Variants in EYS observed in about 807,000 individuals in gnomAD.
The protein encoded by EYS is EGF-like photoreceptor maintenance factor, also known as protein eyes shut homolog.
A neutral mutation model predicts 282.1 loss-of-function variants in EYS; 250 were observed. That is an observed-to-expected ratio of 0.89 (90% CI 0.80 to 0.98). The LOEUF is 0.98. EYS is among the 50% of genes least tolerant of loss of function. The pLI is 0.00. For synonymous variants in EYS, 1,355 were observed against 1,282.9 expected, an observed-to-expected ratio of 1.06 and a Z score of -1.20; for missense variants, 4,016 against 3,709.0, an observed-to-expected ratio of 1.08 and a Z score of -2.15.
At chr6:65,419,834 A>G (rs1402639493) in intron 5 of EYS, among the ~76,000 whole-genome samples, 2 of 152,002 alleles carry the variant, frequency 1.3e-5, no homozygotes, top group African/African-American at 2.4e-5. Flanking sequence ...AATAAAGTCA[A>G]TATCAATCTG....
At chr6:64,557,100 T>C (rs7766350) in intron 26 of EYS, among the ~76,000 whole-genome samples, 19,862 of 151,724 alleles carry the variant, frequency 0.13, 1,378 homozygotes, top group East Asian at 0.27. Context: ...TCAAATGGAT[T>C]TTTCTAAAAC....
In EYS at chr6:64,685,180, A is replaced by G. The variant is rs183354286; in HGVS notation, c.3444-58935T>C. The stretch of plus-strand genomic sequence containing the variant: ...ATGGGAAACATTACCAGAGATAAAG[A>G]AGGGGATTTCATAATGGCAAAAGGA... On this transcript the variant is annotated intron_variant, in intron 22 of 42. Coordinates refer to ENST00000503581, the MANE Select transcript of EYS (RefSeq NM_001142800.2). Among the ~76,000 whole-genome samples the G allele has an allele frequency of 4.6e-3, 694 of 152,270 alleles. 3 individuals carry two copies. Among genetic ancestry groups the G allele is most frequent in the African/African-American group, 0.015 (620 of 41,566 alleles).
intron 31 of EYS, among the ~76,000 whole-genome samples, chr6:64,196,834 T>G (rs953093855): frequency 5.3e-5 from 8 of 151,982 alleles, no homozygotes; most frequent in African/African-American, 1.9e-4. Context: ...GCATGGCACA[T>G]GTATACATAT....
chr6:64,443,107 G>A (rs759991810), intron 26 of EYS, among the ~76,000 whole-genome samples: 5 of 152,176 alleles, frequency 3.3e-5, no homozygotes, highest in South Asian at 2.1e-4. Context: ...CCACAGTTGT[G>A]GAGGTGCCCA....
At chr6:63,965,830 C>T (rs1472216243) in intron 35 of EYS, among the ~76,000 whole-genome samples, 3 of 152,154 alleles carry the variant, frequency 2.0e-5, no homozygotes, top group Non-Finnish European at 4.4e-5. Flanking sequence ...CCAGAAAACA[C>T]AGCCTGTAAT....
intron 24 of EYS, among the ~76,000 whole-genome samples, chr6:64,617,096 G>T (rs776876757): frequency 4.6e-5 from 7 of 152,026 alleles, no homozygotes; most frequent in Non-Finnish European, 8.8e-5. Flanking sequence ...AGACCCTGAC[G>T]GTATTAAGTA....
At chr6:64,126,851 A>T (rs1773803404) in intron 31 of EYS, among the ~76,000 whole-genome samples, 1 of 151,888 alleles carries the variant, frequency 6.6e-6, no homozygotes, top group Admixed American at 6.6e-5. Flanking sequence ...ACACACACAC[A>T]TATCTATATA....
At chr6:65,490,505 A>G in intron 5 of EYS, 89 bp downstream of exon 5, 2 of 786,894 alleles carry the variant, frequency 2.5e-6, no homozygotes, top group South Asian at 3.1e-5. Context: ...TTTTTCAATA[A>G]TAAAGGAAAT....
At chr6:65,648,038 C>T (rs919234828) in intron 1 of EYS, among the ~76,000 whole-genome samples, 4 of 128,124 alleles carry the variant, frequency 3.1e-5, no homozygotes, top group Admixed American at 7.9e-5. Context: ...TAGATCTTGG[C>T]GTGGATGTGG....
chr6:64,006,822 A>G (rs1768369934), intron 33 of EYS, among the ~76,000 whole-genome samples: 1 of 152,088 alleles, frequency 6.6e-6, no homozygotes, highest in Non-Finnish European at 1.5e-5. Flanking sequence ...TTATGCAAAT[A>G]TTTCATCCCA....
rs1582929404 is a variant in EYS at position 64,591,061 on chromosome 6, A to G, written c.4806T>C (p.Ala1602=). The G allele has an allele frequency of 6.4e-7, 1 of 1,551,296 alleles. No individual in the cohort carries two copies. Among genetic ancestry groups the G allele is most frequent in the South Asian group, 1.2e-5 (1 of 84,060 alleles). Residue 1602 remains alanine, a synonymous_variant, in exon 26 of 43, where the codon GCT becomes GCC. Transcript: ENST00000503581. The part of the protein sequence containing the change: ...ILASWYALMG[A]QTITSGHSFS... ...ATGAATGCCCAGAAGTGATAGTTTG[A>G]GCTCCCATTAGTGCATACCAGCTGG...
chr6:63,926,795 T>G (rs886963816), intron 35 of EYS, among the ~76,000 whole-genome samples: 6 of 152,236 alleles, frequency 3.9e-5, no homozygotes, highest in African/African-American at 1.2e-4. Context: ...GGAAAGTTAC[T>G]TATTGCTGTC....
chr6:63,725,916 T>C (rs1405058140), intron 42 of EYS, among the ~76,000 whole-genome samples: 2 of 152,126 alleles, frequency 1.3e-5, no homozygotes, highest in Admixed American at 6.5e-5. Flanking sequence ...GATGTAACTA[T>C]ATGTGCAGAT....
rs535012021 is a variant in EYS, at chr6:64,410,727, C to A, written c.5928-21887G>T. On this transcript the variant is annotated intron_variant, in intron 28 of 42. Coordinates refer to ENST00000503581, the MANE Select transcript of EYS (RefSeq NM_001142800.2). ...GAGTAATATGACAAATAAAACACATCAACTCTAGCCAGAACATTGGCTTGA... is the reference window on the plus strand; with the variant it reads ...GAGTAATATGACAAATAAAACACATAAACTCTAGCCAGAACATTGGCTTGA... Among the ~76,000 whole-genome samples, 11 of 152,158 alleles carry A rather than the reference C, an allele frequency of 7.2e-5. No individual in the cohort carries two copies. In the East Asian group the frequency reaches 2.1e-3, roughly 29 times the overall value.
chr6:64,727,635 G>T (rs927286171), intron 22 of EYS, among the ~76,000 whole-genome samples: 2 of 152,154 alleles, frequency 1.3e-5, no homozygotes, highest in Non-Finnish European at 2.9e-5. Flanking sequence ...ATTAAATAGT[G>T]AAAAGTAAAG....
At chr6:64,704,021 T>C (rs1051608864) in intron 22 of EYS, among the ~76,000 whole-genome samples, 21 of 151,980 alleles carry the variant, frequency 1.4e-4, no homozygotes, top group Admixed American at 6.6e-5. Context: ...GACTAAACAG[T>C]TCTACATCTA....
At chr6:65,439,300 T>C in intron 5 of EYS, among the ~76,000 whole-genome samples, 1 of 152,172 alleles carries the variant, frequency 6.6e-6, no homozygotes, top group East Asian at 1.9e-4. Context: ...AGCTTTGTTC[T>C]TTTGGCTTAG....
intron 1 of EYS, among the ~76,000 whole-genome samples, chr6:65,666,183 G>A (rs1041156507): frequency 2.6e-5 from 4 of 151,552 alleles, no homozygotes; most frequent in African/African-American, 7.3e-5. Flanking sequence ...GAACCAGAAA[G>A]AAATAGTATG....
chr6:64,282,273 G>A (rs572972158), intron 30 of EYS, among the ~76,000 whole-genome samples: 1 of 152,250 alleles, frequency 6.6e-6, no homozygotes, highest in East Asian at 1.9e-4. Context: ...TTTTGGGACA[G>A]GGTCTAACAT....
Sources: allele counts gnomAD v4.1 joint callset (sites outside exome capture counted in the v4.1 genomes callset), GRCh38; gene constraint gnomAD v4.1.1; transcripts MANE v1.5; gene names NCBI Gene and HGNC (gene_info 2026-07-23, HGNC 2026-07-21).